Variants in CSMD3 observed in about 807,000 individuals in gnomAD.
CSMD3 encodes CUB and Sushi multiple domains 3, also known as CUB and sushi domain-containing protein 3.
CSMD3 carries 177 observed loss-of-function variants against 435.2 expected under a neutral mutation model. The observed-to-expected ratio is 0.41, with a 90% CI of 0.36 to 0.46. CSMD3 has a LOEUF of 0.46. Ranked by LOEUF, CSMD3 falls within the 20% of genes least tolerant of loss-of-function variation. CSMD3 has a pLI of 0.34. For synonymous variants in CSMD3, 1,656 were observed against 1,520.5 expected (o/e 1.09, Z -2.07); for missense variants, 4,265 against 4,504.6 (o/e 0.95, Z 1.52).
chr8:112,949,911 C>CT (rs1294400968), intron 8 of CSMD3, among the ~76,000 whole-genome samples: 2 of 151,938 alleles, frequency 1.3e-5, no homozygotes, highest in Non-Finnish European at 2.9e-5. Context: ...TTTCCTTCCC[C>CT]TTTAGCTATC....
At chr8:112,712,391 T>A (rs16883982) in intron 13 of CSMD3, among the ~76,000 whole-genome samples, 2,659 of 152,268 alleles carry the variant, frequency 0.017, 77 homozygotes, top group African/African-American at 0.061. Context: ...CTTTTTACCG[T>A]GTAAGTGGTT....
intron 13 of CSMD3, among the ~76,000 whole-genome samples, chr8:112,694,164 A>T (rs1472864103): frequency 6.6e-6 from 1 of 151,408 alleles, no homozygotes; most frequent in African/African-American, 2.4e-5. Flanking sequence ...GTTTCCTTGG[A>T]TTTAATGAGA....
Position 112,813,296 on chromosome 8 carries a change from G to A in CSMD3, c.1860-13022C>T, listed in dbSNP as rs540159940. On this transcript the variant is annotated intron_variant, in intron 12 of 70. Coordinates refer to ENST00000297405, the MANE Select transcript of CSMD3 (RefSeq NM_198123.2). ...TTAAACTCTTTAAGGCAGGAAATAC[G>A]TGGGGCAATATGTTACCAGAGTGAA... 5.9e-5 allele frequency among the ~76,000 whole-genome samples: 9 copies of A among 152,290 alleles called. No homozygotes were observed. In the South Asian group the frequency reaches 8.3e-4, roughly 14 times the overall value.
At chr8:113,220,620 A>T (rs1466277092) in intron 3 of CSMD3, among the ~76,000 whole-genome samples, 4 of 151,450 alleles carry the variant, frequency 2.6e-5, no homozygotes, top group African/African-American at 9.7e-5. Context: ...TGGCTGGTTG[A>T]TGTGGTAATA....
At chr8:112,446,265 C>A (rs946466651) in intron 32 of CSMD3, among the ~76,000 whole-genome samples, 2 of 152,154 alleles carry the variant, frequency 1.3e-5, no homozygotes, top group Non-Finnish European at 2.9e-5. Context: ...CTTAAACAAG[C>A]ACTGTATAAA....
At chr8:112,511,751 A>G (rs763153829) in intron 28 of CSMD3, among the ~76,000 whole-genome samples, 10 of 152,262 alleles carry the variant, frequency 6.6e-5, no homozygotes, top group Admixed American at 3.9e-4. Context: ...TCCGCGTAGC[A>G]TGTGATGCTA....
At chr8:112,924,088 C>A (rs1215165796) in intron 9 of CSMD3, among the ~76,000 whole-genome samples, 1 of 152,148 alleles carries the variant, frequency 6.6e-6, no homozygotes, top group African/African-American at 2.4e-5. Context: ...AGATTGGTTA[C>A]AACTTTCTAG....
intron 10 of CSMD3, among the ~76,000 whole-genome samples, chr8:112,916,883 A>G (rs1187961446): frequency 6.6e-6 from 1 of 151,968 alleles, no homozygotes; most frequent in Admixed American, 6.6e-5. Flanking sequence ...ACTGAGCTAA[A>G]CACTGAGAAG....
chr8:113,249,933 A>T (rs1381744057), intron 3 of CSMD3, among the ~76,000 whole-genome samples: 3 of 152,160 alleles, frequency 2.0e-5, no homozygotes, highest in Non-Finnish European at 4.4e-5. Flanking sequence ...AAATATACAG[A>T]AACAGACTAA....
intron 32 of CSMD3, among the ~76,000 whole-genome samples, chr8:112,467,327 C>T (rs1300986462): frequency 1.3e-5 from 2 of 152,088 alleles, no homozygotes; most frequent in African/African-American, 4.8e-5. Context: ...ACAAATATGT[C>T]TTCGGGGTGT....
chr8:112,454,598 G>A (rs7832171), intron 32 of CSMD3, among the ~76,000 whole-genome samples: 34,731 of 152,006 alleles, frequency 0.23, 4,253 homozygotes, highest in East Asian at 0.39. Flanking sequence ...AACAGATATC[G>A]ATGAGGCTGT....
Position 112,265,397 on chromosome 8 carries a change from A to C in CSMD3, c.9688+14T>G. 6.3e-7 allele frequency: 1 copy of C among 1,589,920 alleles called. No homozygotes were observed. The highest frequency in any genetic ancestry group is 8.6e-7 in the Non-Finnish European group (1 of 1,158,330). ...GGTTACCATTTTTAAATGTTGAAGAAATCATTATCATACCTCTACAAGTTG... is the reference window on the plus strand; with the variant it reads ...GGTTACCATTTTTAAATGTTGAAGACATCATTATCATACCTCTACAAGTTG... On this transcript the variant is annotated intron_variant, in intron 60 of 70. Coordinates refer to ENST00000297405, the MANE Select transcript of CSMD3 (RefSeq NM_198123.2).
At chr8:112,647,562 T>TC (rs1253774953) in intron 19 of CSMD3, among the ~76,000 whole-genome samples, 1 of 152,138 alleles carries the variant, frequency 6.6e-6, no homozygotes, top group Non-Finnish European at 1.5e-5. Context: ...CGCCTCTGCC[T>TC]CCCAAAGTGC....
rs146163172 is a variant in CSMD3, at chr8:113,305,507, T to C, written c.401+9064A>G. Among the ~76,000 whole-genome samples, 577 of 152,288 alleles carry C rather than the reference T, an allele frequency of 3.8e-3. 2 individuals carry two copies. The highest frequency in any genetic ancestry group is 0.013 in the African/African-American group (557 of 41,574). On this transcript the variant is annotated intron_variant, in intron 2 of 70. Transcript: ENST00000297405. Reference sequence around the variant, plus strand: ...ACTACAAAAGATTGAATAAATATAATCTAAGGAACAAAGTGTTTAAACTTG... The same window carrying C: ...ACTACAAAAGATTGAATAAATATAACCTAAGGAACAAAGTGTTTAAACTTG...
At chr8:112,792,235 A>G (rs1371529869) in intron 13 of CSMD3, among the ~76,000 whole-genome samples, 1 of 152,116 alleles carries the variant, frequency 6.6e-6, no homozygotes, top group Non-Finnish European at 1.5e-5. Flanking sequence ...CTCCTTTACT[A>G]TTATAAAATT....
intron 5 of CSMD3, 147 bp downstream of exon 5, chr8:113,098,609 T>C (rs1166761093): frequency 1.8e-5 from 11 of 626,120 alleles, no homozygotes; most frequent in African/African-American, 3.7e-5. Context: ...TTCAAAAATA[T>C]CCTTCAGCTC....
At chr8:112,704,337 G>GCTTTT (rs1454131187) in intron 13 of CSMD3, among the ~76,000 whole-genome samples, 1 of 152,026 alleles carries the variant, frequency 6.6e-6, no homozygotes, top group African/African-American at 2.4e-5. Context: ...AAAAAACTAT[G>GCTTTT]CTTTTCTTTG....
chr8:113,209,338 T>C (rs578236651), intron 3 of CSMD3, among the ~76,000 whole-genome samples: 6 of 152,278 alleles, frequency 3.9e-5, no homozygotes, highest in African/African-American at 1.4e-4. Flanking sequence ...AATTATACTA[T>C]GGTACATGAC....
intron 10 of CSMD3, among the ~76,000 whole-genome samples, chr8:112,870,462 G>C (rs2081102528): frequency 6.6e-6 from 1 of 150,660 alleles, no homozygotes; most frequent in African/African-American, 2.4e-5. Context: ...TTTTTTAGTA[G>C]AGACGGGGTT....
Sources: gnomAD v4.1 joint callset for allele counts (sites outside exome capture counted in the v4.1 genomes callset) on GRCh38, gnomAD v4.1.1 for gene constraint, MANE v1.5 for transcripts, NCBI Gene and HGNC (gene_info 2026-07-23, HGNC 2026-07-21) for gene names.